The following FOXP2 variants were observed in gnomAD, a reference collection of about 807,000 sequenced individuals.
FOXP2 encodes the protein forkhead box P2.
A neutral mutation model predicts 115.8 loss-of-function variants in FOXP2; 12 were observed. That is an observed-to-expected ratio of 0.10 (90% CI 0.07 to 0.17). The LOEUF (loss-of-function observed/expected upper bound fraction) is 0.17, where lower values mean the gene tolerates loss of function less well. FOXP2 is among the 10% of genes least tolerant of loss of function. The pLI is 1.00. For synonymous variants in FOXP2, 328 were observed against 297.7 expected, an observed-to-expected ratio of 1.10 and a Z score of -1.05; for missense variants, 629 against 843.5, an observed-to-expected ratio of 0.75 and a Z score of 3.15.
chr7:114,278,893 C>T (rs548474819), intron 1 of FOXP2, among the ~76,000 whole-genome samples: 31 of 152,188 alleles, frequency 2.0e-4, no homozygotes, highest in Admixed American at 9.8e-4. Flanking sequence ...ATGCCAATGC[C>T]AGTGATTTTT....
chr7:114,431,723 AT>A (rs1314484053), intron 2 of FOXP2, among the ~76,000 whole-genome samples: 1 of 151,938 alleles, frequency 6.6e-6, no homozygotes, highest in African/African-American at 2.4e-5. Flanking sequence ...GAATGCATAT[AT>A]TTAGATGAAA....
intron 1 of FOXP2, among the ~76,000 whole-genome samples, chr7:114,142,621 A>AT (rs1413452087): frequency 6.6e-6 from 1 of 152,054 alleles, no homozygotes; most frequent in Non-Finnish European, 1.5e-5. Context: ...TTCAAAAGGA[A>AT]TTGGTTGGCA....
chr7:114,103,588 CT>C (rs966865002), intron 1 of FOXP2, among the ~76,000 whole-genome samples: 2 of 151,868 alleles, frequency 1.3e-5, no homozygotes, highest in Non-Finnish European at 2.9e-5. Context: ...TTGGAAAGTT[CT>C]TTTCCTTTAT....
chr7:114,279,863 G>C (rs957871342), intron 1 of FOXP2, among the ~76,000 whole-genome samples: 2 of 152,050 alleles, frequency 1.3e-5, no homozygotes, highest in Middle Eastern at 3.4e-3. Flanking sequence ...AGGCAGGAGG[G>C]GGTGAGAGAA....
chr7:114,480,673 G>A (rs978760570), intron 2 of FOXP2, among the ~76,000 whole-genome samples: 5 of 149,878 alleles, frequency 3.3e-5, no homozygotes, highest in Admixed American at 2.0e-4. Context: ...ATACATGTGT[G>A]TACATATATA....
chr7:114,665,405 A>G (rs1364242973), intron 16 of FOXP2: 1 of 151,976 alleles, frequency 6.6e-6, no homozygotes, highest in African/African-American at 2.4e-5. Flanking sequence ...TCTTATTTTT[A>G]TATTGTCTTC....
At chr7:114,403,760 T>C (rs962528988) in intron 2 of FOXP2, among the ~76,000 whole-genome samples, 9 of 152,174 alleles carry the variant, frequency 5.9e-5, no homozygotes, top group African/African-American at 2.2e-4. Context: ...AGAAATTGTT[T>C]TAAGAAATTA....
At chr7:114,404,892 C>T (rs546689244) in intron 2 of FOXP2, among the ~76,000 whole-genome samples, 2 of 151,924 alleles carry the variant, frequency 1.3e-5, no homozygotes, top group Admixed American at 1.3e-4. Context: ...CTGAAATTCC[C>T]TGCTGTTCGT....
intron 3 of FOXP2, among the ~76,000 whole-genome samples, chr7:114,563,689 T>A (rs770314752): frequency 7.2e-5 from 11 of 152,188 alleles, no homozygotes; most frequent in Non-Finnish European, 1.6e-4. Context: ...ATTTCTTGTC[T>A]TGTCACCTGA....
chr7:114,606,169 A>T (rs1322569652), intron 3 of FOXP2, among the ~76,000 whole-genome samples: 3 of 152,222 alleles, frequency 2.0e-5, no homozygotes, highest in African/African-American at 7.2e-5. Flanking sequence ...TGTTTGGCTG[A>T]CTGGTAGGAT....
At chr7:114,354,684 C>T (rs1232404582) in intron 2 of FOXP2, among the ~76,000 whole-genome samples, 1 of 152,030 alleles carries the variant, frequency 6.6e-6, no homozygotes, top group African/African-American at 2.4e-5. Context: ...TAACATGTTT[C>T]TTCTCCCTCC....
At chr7:114,099,441 C>T (rs1799727376) in intron 1 of FOXP2, among the ~76,000 whole-genome samples, 1 of 151,982 alleles carries the variant, frequency 6.6e-6, no homozygotes, top group African/African-American at 2.4e-5. Context: ...GATTGGTATG[C>T]CCATTATGGA....
intron 6 of FOXP2, among the ~76,000 whole-genome samples, chr7:114,633,633 C>T (rs1805042979): frequency 6.6e-6 from 1 of 152,132 alleles, no homozygotes; most frequent in South Asian, 2.1e-4. Flanking sequence ...CACAAACCGG[C>T]ATCATTGTCT....
intron 2 of FOXP2, among the ~76,000 whole-genome samples, chr7:114,480,647 ATG>A (rs1333277832): frequency 4.0e-5 from 6 of 150,502 alleles, no homozygotes; most frequent in Admixed American, 1.3e-4. Context: ...GTATATGCAT[ATG>A]TGTGTATACG....
chr7:114,516,139 A>G (rs573040871), intron 2 of FOXP2, among the ~76,000 whole-genome samples: 13 of 152,328 alleles, frequency 8.5e-5, no homozygotes, highest in African/African-American at 3.1e-4. Flanking sequence ...TGAAGGCATC[A>G]TGCTACCTGA....
chr7:114,581,930 G>C (rs554198358), intron 3 of FOXP2, among the ~76,000 whole-genome samples: 1 of 152,168 alleles, frequency 6.6e-6, no homozygotes, highest in Non-Finnish European at 1.5e-5. Context: ...ATATACCATA[G>C]AGCAGTGATT....
Position 114,216,661 on chromosome 7 carries a change from G to C in FOXP2, c.-102+53573G>C, listed in dbSNP as rs189491101. On this transcript the variant is annotated intron_variant, in intron 1 of 17. Coordinates refer to the FOXP2 transcript ENST00000634411. ...TTTAATCTCTTAAGTGTACGTCTCT[G>C]ATTTCTGGTGTCTGAGTTTCTATGC... is the stretch of plus-strand genomic sequence containing the variant. Among the ~76,000 whole-genome samples the C allele has an allele frequency of 4.1e-4, 62 of 152,126 alleles. 1 individual carries two copies. Among genetic ancestry groups the C allele is most frequent in the East Asian group, 2.9e-3 (15 of 5,176 alleles).
At chr7:114,667,761 G>T (rs1000312007) in intron 16 of FOXP2, 9 of 152,084 alleles carry the variant, frequency 5.9e-5, no homozygotes, top group Admixed American at 5.9e-4. Flanking sequence ...ACTTTGACAC[G>T]ATCAGAGCTA....
intron 2 of FOXP2, among the ~76,000 whole-genome samples, chr7:114,449,138 T>C (rs1794962596): frequency 6.6e-6 from 1 of 152,054 alleles, no homozygotes; most frequent in African/African-American, 2.4e-5. Flanking sequence ...CATTTAGAAC[T>C]ATATATATGT....
Sources: gnomAD v4.1 joint callset for allele counts (sites outside exome capture counted in the v4.1 genomes callset) on GRCh38, gnomAD v4.1.1 for gene constraint, MANE v1.5 for transcripts, NCBI Gene and HGNC (gene_info 2026-07-23, HGNC 2026-07-21) for gene names.